Variants in TEX15 observed in about 807,000 individuals in gnomAD.
TEX15 encodes testis-expressed protein 15.
Under a neutral mutation model 237.3 loss-of-function variants are expected in TEX15, and 171 were observed. That is an observed-to-expected ratio of 0.72 (90% CI 0.64 to 0.82). TEX15 has a LOEUF of 0.82. Ranked by LOEUF, TEX15 falls within the 40% of genes least tolerant of loss-of-function variation. The pLI is 0.00. For synonymous variants in TEX15, 1,338 were observed against 1,269.8 expected (o/e 1.05, Z -1.14); for missense variants, 3,750 against 3,646.5 (o/e 1.03, Z -0.73).
Position 30,831,948 on chromosome 8 carries a change from G to C in TEX15, c.*1338C>G, listed in dbSNP as rs747299948. 3.9e-5 allele frequency: 6 copies of C among 152,198 alleles called. No homozygotes were observed. Among genetic ancestry groups the C allele is most frequent in the African/African-American group, 4.8e-5 (2 of 41,462 alleles). 9.4% of individuals were successfully genotyped at this position (152,198 alleles called of 1,614,324 possible). On this transcript the variant is annotated 3_prime_UTR_variant, in exon 11 of 11. Transcript: ENST00000643185. ...CAAATAAAACTGCATGGACCAAATA[G>C]AAATGTTTTTTAAATATTGTTTTAA... is the stretch of plus-strand genomic sequence containing the variant.
At chr8:30,878,985 G>C (rs185158268) in intron 3 of TEX15, among the ~76,000 whole-genome samples, 1 of 152,290 alleles carries the variant, frequency 6.6e-6, no homozygotes, top group East Asian at 1.9e-4. Flanking sequence ...CAAGTATATA[G>C]TTACATCTCA....
At chr8:30,897,161 T>TCTGCCGACTCA (rs1808922293) in intron 2 of TEX15, among the ~76,000 whole-genome samples, 1 of 152,254 alleles carries the variant, frequency 6.6e-6, no homozygotes, top group African/African-American at 2.4e-5. Flanking sequence ...AGGTATCTTG[T>TCTGCCGACTCA]CCTGATTCTG....
At chr8:30,910,638 G>A (rs1206551633) in intron 1 of TEX15, among the ~76,000 whole-genome samples, 2 of 126,776 alleles carry the variant, frequency 1.6e-5, no homozygotes, top group Non-Finnish European at 3.2e-5. Flanking sequence ...TTTTTTGGTA[G>A]AGACGGGGAC....
chr8:30,887,449 A>C, intron 2 of TEX15, 138 bp from the exon 3 acceptor site: 7 of 840,578 alleles, frequency 8.3e-6, no homozygotes, highest in East Asian at 3.1e-5. Flanking sequence ...TTTCCATCTC[A>C]ATTTGCCAGT....
chr8:30,859,989 A>G lies in TEX15; in HGVS notation c.609T>C (p.Ser203=), dbSNP rs1201842324. Reference sequence around the variant, plus strand: ...TTGACATATGGCAATCAAAGTTAGGAGAAGGATCCAAAGAAACTTTATTTT... The same window carrying G: ...TTGACATATGGCAATCAAAGTTAGGGGAAGGATCCAAAGAAACTTTATTTT... ...VDKNKVSLDP[S]PNFDCHMSRN... The change falls in exon 6 of 11, where the codon TCT becomes TCC. Residue 203 remains serine, a synonymous_variant. Transcript: ENST00000643185. 2.0e-6 allele frequency: 3 copies of G among 1,519,012 alleles called. No homozygotes were observed. The highest frequency in any genetic ancestry group is 2.6e-6 in the Non-Finnish European group (3 of 1,140,834). The allele number at this position is 1,519,012 out of a possible 1,614,324, so 94.1% of individuals were successfully genotyped here.
At chr8:30,889,954 C>CATATATATATATATATACACATAT in intron 2 of TEX15, among the ~76,000 whole-genome samples, 14 of 110,086 alleles carry the variant, frequency 1.3e-4, no homozygotes, top group Admixed American at 2.7e-4. Context: ...TATATATATA[C>CATATATATATATATATACACATAT]ATATATATAT....
chr8:30,898,618 TAA>T (rs1808951212), intron 2 of TEX15, 122 bp downstream of exon 2: 1 of 152,236 alleles, frequency 6.6e-6, no homozygotes, highest in African/African-American at 2.4e-5. Context: ...CAATGTGTGA[TAA>T]AAGACACTCT....
chr8:30,848,342 C>T lies in TEX15; in HGVS notation c.1825G>A (p.Val609Ile). 1 of 1,614,070 alleles carries T rather than the reference C, an allele frequency of 6.2e-7. No homozygotes were observed. Among genetic ancestry groups the T allele is most frequent in the Non-Finnish European group, 8.5e-7 (1 of 1,180,000 alleles). Reference protein sequence around the residue: ...TSTVFPLKKKVSIDEYLQNTG... With the variant: ...TSTVFPLKKKISIDEYLQNTG... Reference sequence around the variant, plus strand: ...TTTTGAAGGTATTCATCAATGCTTACTTTCTTTTTGAGTGGAAAAACTGTA... The same window carrying T: ...TTTTGAAGGTATTCATCAATGCTTATTTTCTTTTTGAGTGGAAAAACTGTA... The change falls in exon 8 of 11, where the codon GTA becomes ATA. Residue 609 changes from valine (V) to isoleucine (I), a missense_variant. Physicochemically the swap from Val to Ile is conservative, Grantham distance 29. Coordinates refer to ENST00000643185, the MANE Select transcript of TEX15 (RefSeq NM_001350162.2).
Position 30,846,652 on chromosome 8 carries a change from G to A in TEX15, c.3515C>T (p.Ala1172Val), listed in dbSNP as rs1807619910. ...NIFRPGFSPT[A>V]DSLALKDSFC... ...ACTATCTTTCAATGCAAGGGAGTCA[G>A]CTGTCGGGCTGAATCCTGGCCTAAA... Residue 1172 changes from alanine (A) to valine (V), a missense_variant, in exon 8 of 11, where the codon GCT (alanine) becomes GTT (valine). Coordinates refer to ENST00000643185, the MANE Select transcript of TEX15 (RefSeq NM_001350162.2). 3 of 1,613,760 alleles carry A rather than the reference G, an allele frequency of 1.9e-6. No homozygotes were observed. Among genetic ancestry groups the A allele is most frequent in the Non-Finnish European group, 2.5e-6 (3 of 1,179,824 alleles).
At position 30,843,156 on chromosome 8, in the gene TEX15, T is replaced by G. The variant is rs935007794; in HGVS notation, c.7011A>C (p.Ile2337=). 3.1e-6 allele frequency: 5 copies of G among 1,613,264 alleles called. No individual in the cohort carries two copies. Among genetic ancestry groups the G allele is most frequent in the Admixed American group, 3.3e-5 (2 of 59,950 alleles). Residue 2337 remains isoleucine (I), a synonymous_variant, in exon 8 of 11, where the codon ATA becomes ATC. Coordinates refer to ENST00000643185, the MANE Select transcript of TEX15 (RefSeq NM_001350162.2). ...GATGATCTGACTTTCTGGAAGCAAT[T>G]ATAGTATCCTCCTCAAGCCCAATAG... is the stretch of plus-strand genomic sequence containing the variant. ...ISPIGLEEDT[I]IASRKSDHPI... is the part of the protein sequence containing the mutation.
intron 2 of TEX15, among the ~76,000 whole-genome samples, chr8:30,889,935 A>ATATATATACACATATATATATATATACG (rs1563273079): frequency 2.3e-4 from 19 of 82,800 alleles, no homozygotes; most frequent in African/African-American, 1.4e-3. Context: ...AGTTATATAC[A>ATATATATACACATATATATATATATACG]TATATATATA....
At position 30,844,265 on chromosome 8, in the gene TEX15, A is replaced by G. The variant is rs1421227693; in HGVS notation, c.5902T>C (p.Cys1968Arg). 5 of 1,613,182 alleles carry G rather than the reference A, an allele frequency of 3.1e-6. No individual in the cohort carries two copies. In the Admixed American group the frequency reaches 6.7e-5, roughly 22 times the overall value. ...TTCTTCAGAAGAGTAGGGACTTTAC[A>G]GGTTTCAGAGTGGGCAGGTAAAATA... ...TPILPAHSET[C>R]KVPTLLKKPA... The change falls in exon 8 of 11, where the codon TGT (cysteine) becomes CGT (arginine). Residue 1968 changes from cysteine (C) to arginine (R), a missense_variant. By Grantham distance (180) the Cys-to-Arg change is radical (BLOSUM62 -3). Coordinates refer to ENST00000643185, the MANE Select transcript of TEX15 (RefSeq NM_001350162.2).
chr8:30,912,334 T>TCATGTAGGC (rs1440679200), intron 1 of TEX15, among the ~76,000 whole-genome samples: 1 of 150,756 alleles, frequency 6.6e-6, no homozygotes, highest in Non-Finnish European at 1.5e-5. Flanking sequence ...GCGGCGGGGC[T>TCATGTAGGC]CCCGCCCCCT....
rs754067991 is a variant in TEX15, at chr8:30,860,074, C to CA, written c.541-18dup. The stretch of plus-strand genomic sequence containing the variant: ...AAAGAGAACCTAAAAAAAAAAAAGC[C>CA]AAAAAAAAAGTACGTAAAAATATAC... On this transcript the variant is annotated splice_polypyrimidine_tract_variant and intron_variant, in intron 5 of 10. Transcript: ENST00000643185. 2.0e-4 allele frequency: 277 copies of CA among 1,371,958 alleles called. No individual in the cohort carries two copies. Among genetic ancestry groups the CA allele is most frequent in the East Asian group, 4.6e-4 (17 of 37,004 alleles). The allele number at this position is 1,371,958 out of a possible 1,614,324, so 85.0% of individuals were successfully genotyped here. A position where few individuals can be genotyped will look rare whatever the true frequency, so the allele number is the denominator to read the frequency against.
intron 3 of TEX15, among the ~76,000 whole-genome samples, chr8:30,876,811 T>G (rs577813586): frequency 1.2e-4 from 19 of 152,268 alleles, no homozygotes; most frequent in Admixed American, 7.8e-4. Context: ...GATCTCATCT[T>G]GTAGTTCCCA....
chr8:30,849,635 G>A (rs1246944946), intron 7 of TEX15, among the ~76,000 whole-genome samples: 2 of 152,136 alleles, frequency 1.3e-5, no homozygotes, highest in Non-Finnish European at 2.9e-5. Context: ...GGGCACGGTG[G>A]CTCACGCTTA....
intron 4 of TEX15, among the ~76,000 whole-genome samples, chr8:30,867,914 A>C (rs1278897299): frequency 6.6e-6 from 1 of 152,076 alleles, no homozygotes; most frequent in African/African-American, 2.4e-5. Context: ...AAAATGACAG[A>C]GTTGGAATTA....
chr8:30,837,051 G>C lies in TEX15; in HGVS notation c.9233C>G (p.Thr3078Ser), dbSNP rs1308280473. Residue 3078 changes from threonine (T) to serine (S), a missense_variant, in exon 10 of 11, where the codon ACC becomes AGC. By Grantham distance (58) the Thr-to-Ser change is moderately conservative (BLOSUM62 1). Transcript: ENST00000643185. ...GCCCTGGGCAGTACTTGCAACTGTG[G>C]TCAACAGCCCAGAAGGAGATGGCTG... Reference protein sequence around the residue: ...EVQPSPSGLLTTVASTAQGTH... With the variant: ...EVQPSPSGLLSTVASTAQGTH... 7 of 1,614,124 alleles carry C rather than the reference G, an allele frequency of 4.3e-6. No homozygotes were observed. The highest frequency in any genetic ancestry group is 5.9e-6 in the Non-Finnish European group (7 of 1,180,020).
At chr8:30,898,217 G>A (rs1239352202) in intron 2 of TEX15, among the ~76,000 whole-genome samples, 1 of 152,030 alleles carries the variant, frequency 6.6e-6, no homozygotes, top group Non-Finnish European at 1.5e-5. Context: ...CTGAATGCTC[G>A]TGCCCCCGTG....
Sources: gnomAD v4.1 joint callset for allele counts (sites outside exome capture counted in the v4.1 genomes callset) on GRCh38, gnomAD v4.1.1 for gene constraint, MANE v1.5 for transcripts, NCBI Gene and HGNC (gene_info 2026-07-23, HGNC 2026-07-21) for gene names.